The following GOLGA7B variants were observed in gnomAD, a reference collection of about 807,000 sequenced individuals.
GOLGA7B encodes golgin subfamily A member 7B.
GOLGA7B carries 17 observed loss-of-function variants against 21.5 expected under a neutral mutation model. That is an observed-to-expected ratio of 0.79 (90% CI 0.54 to 1.19). The LOEUF is 1.19. Ranked by LOEUF, GOLGA7B falls within the 50% of genes most tolerant of loss-of-function variation. The probability of loss-of-function intolerance (pLI) is 0.00; values close to 1 mark genes in which losing one functional copy is unlikely to be tolerated. For synonymous variants in GOLGA7B, 87 were observed against 84.0 expected (o/e 1.04, Z -0.19); for missense variants, 169 against 224.4 (o/e 0.75, Z 1.58).
At position 97,867,351 on chromosome 10, in the gene GOLGA7B, C is replaced by G. The variant is rs1331398973; in HGVS notation, c.*1651C>G. On this transcript the variant is annotated 3_prime_UTR_variant, in exon 5 of 5. Transcript: ENST00000370602. ...CCCGAAGATGAAATGAAGGGGGCTG[C>G]CTATCTCAGTTGGCGGGAGGTGTTA... 1.3e-5 allele frequency: 2 copies of G among 152,224 alleles called. No homozygotes were observed. The highest frequency in any genetic ancestry group is 2.9e-5 in the Non-Finnish European group (2 of 68,064). 9.4% of individuals were successfully genotyped at this position (152,224 alleles called of 1,614,324 possible).
chr10:97,865,483 C>T, intron 4 of GOLGA7B, 107 bp from the exon 5 acceptor site: 1 of 1,545,708 alleles, frequency 6.5e-7, no homozygotes, highest in Non-Finnish European at 8.8e-7. Flanking sequence ...GTCTAGGCAG[C>T]AGCACAAGCC....
chr10:97,862,414 T>G (rs1379382523), intron 2 of GOLGA7B, among the ~76,000 whole-genome samples: 1 of 152,212 alleles, frequency 6.6e-6, no homozygotes, highest in African/African-American at 2.4e-5. Flanking sequence ...GAGTCTTCTG[T>G]TAATACAAAC....
intron 1 of GOLGA7B, among the ~76,000 whole-genome samples, chr10:97,858,844 A>T (rs746963879): frequency 6.6e-6 from 1 of 152,194 alleles, no homozygotes; most frequent in Non-Finnish European, 1.5e-5. Flanking sequence ...CCTCTGTCCC[A>T]CATGTTCCCT....
intron 1 of GOLGA7B, among the ~76,000 whole-genome samples, chr10:97,853,358 G>A (rs1490457964): frequency 6.6e-6 from 1 of 152,176 alleles, no homozygotes; most frequent in Non-Finnish European, 1.5e-5. Context: ...TGGCGCCAGG[G>A]GGGCACTCCT....
chr10:97,862,551 G>A (rs1408525124), intron 2 of GOLGA7B, among the ~76,000 whole-genome samples: 1 of 152,190 alleles, frequency 6.6e-6, no homozygotes, highest in Non-Finnish European at 1.5e-5. Flanking sequence ...TACTCATTAA[G>A]TGGAAGTGGA....
Position 97,859,446 on chromosome 10 carries a change from ACG to A in GOLGA7B, c.13-11_13-10del. ...GTCACTCTCAGCACATGCCGCCCGC[ACG>A]TCTCCTCAGGTCCACAATCTGCAGG... is the stretch of plus-strand genomic sequence containing the variant. On this transcript the variant is annotated splice_polypyrimidine_tract_variant and intron_variant, in intron 1 of 4. Coordinates refer to ENST00000370602, the MANE Select transcript of GOLGA7B (RefSeq NM_001010917.3). 1 of 1,613,820 alleles carries A rather than the reference ACG, an allele frequency of 6.2e-7. No individual in the cohort carries two copies. Among genetic ancestry groups the A allele is most frequent in the Non-Finnish European group, 8.5e-7 (1 of 1,179,820 alleles).
Position 97,850,209 on chromosome 10 carries a change from T to TCGC in GOLGA7B, c.-90_-88dup. On this transcript the variant is annotated 5_prime_UTR_variant, in exon 1 of 5. Transcript: ENST00000370602. The stretch of plus-strand genomic sequence containing the variant: ...TGCGGACAGCGCCCCGGGCCCCAGC[T>TCGC]CGCCGCCACCGCCGCCGCCCACCTG... 1.2e-6 allele frequency: 1 copy of TCGC among 831,390 alleles called. No individual in the cohort carries two copies. The highest frequency in any genetic ancestry group is 1.6e-6 in the Non-Finnish European group (1 of 612,908). The allele number at this position is 831,390 out of a possible 1,614,324, so 51.5% of individuals were successfully genotyped here. A position where few individuals can be genotyped will look rare whatever the true frequency, so the allele number is the denominator to read the frequency against.
At position 97,868,215 on chromosome 10, in the gene GOLGA7B, G is replaced by A. The variant is rs2050050738; in HGVS notation, c.*2515G>A. ...ATAATTTATTGAGCACCTACTATGT[G>A]CCAGATACTTTGCTGAAACCATATG... On this transcript the variant is annotated 3_prime_UTR_variant, in exon 5 of 5. Transcript: ENST00000370602. 2 of 152,244 alleles carry A rather than the reference G, an allele frequency of 1.3e-5. No individual in the cohort carries two copies. Among genetic ancestry groups the A allele is most frequent in the South Asian group, 4.1e-4 (2 of 4,832 alleles). The allele number at this position is 152,244 out of a possible 1,614,324, so 9.4% of individuals were successfully genotyped here. A position where few individuals can be genotyped will look rare whatever the true frequency, so the allele number is the denominator to read the frequency against.
chr10:97,855,967 G>A (rs1270151382), intron 1 of GOLGA7B, among the ~76,000 whole-genome samples: 1 of 152,196 alleles, frequency 6.6e-6, no homozygotes, highest in East Asian at 1.9e-4. Context: ...CACATATAGT[G>A]TTTTTGGATT....
In GOLGA7B at chr10:97,859,603, C is replaced by T. The variant is rs773098157; in HGVS notation, c.138+20C>T. 1.2e-6 allele frequency: 2 copies of T among 1,612,260 alleles called. No individual in the cohort carries two copies. Among genetic ancestry groups the T allele is most frequent in the African/African-American group, 1.3e-5 (1 of 74,880 alleles). ...AGCCGGGTAAGGATGCCTTTTTCTG[C>T]ACTTGGAACCCAGGGCTGTGATGGA... On this transcript the variant is annotated intron_variant, in intron 2 of 4. Coordinates refer to ENST00000370602, the MANE Select transcript of GOLGA7B (RefSeq NM_001010917.3).
At chr10:97,861,254 A>C (rs1473958440) in intron 2 of GOLGA7B, among the ~76,000 whole-genome samples, 1 of 152,226 alleles carries the variant, frequency 6.6e-6, no homozygotes, top group East Asian at 1.9e-4. Context: ...TAAGTACCAG[A>C]CAGGCTTAAG....
chr10:97,864,893 A>T (rs2050002328), intron 4 of GOLGA7B: 1 of 152,606 alleles, frequency 6.6e-6, no homozygotes, highest in South Asian at 2.1e-4. Context: ...CTGGGTGTGC[A>T]CAAATCCCTC....
chr10:97,855,709 A>G (rs1590159180), intron 1 of GOLGA7B, among the ~76,000 whole-genome samples: 1 of 152,364 alleles, frequency 6.6e-6, no homozygotes, highest in East Asian at 1.9e-4. Flanking sequence ...AAAATACAAC[A>G]TTATAAAACC....
chr10:97,857,652 C>A (rs1452664574), intron 1 of GOLGA7B, among the ~76,000 whole-genome samples: 1 of 152,142 alleles, frequency 6.6e-6, no homozygotes, highest in Non-Finnish European at 1.5e-5. Context: ...AAAAGAGAAC[C>A]TGAATAGCCA....
At chr10:97,864,521 G>C (rs1031993076) in intron 4 of GOLGA7B, among the ~76,000 whole-genome samples, 4 of 152,184 alleles carry the variant, frequency 2.6e-5, no homozygotes, top group African/African-American at 9.7e-5. Context: ...GAAGTGCTTT[G>C]AAAATACGAA....
At chr10:97,861,069 T>C (rs1332790313) in intron 2 of GOLGA7B, among the ~76,000 whole-genome samples, 2 of 152,324 alleles carry the variant, frequency 1.3e-5, no homozygotes, top group East Asian at 1.9e-4. Flanking sequence ...GGGAGCTTGA[T>C]AGAAATGCAG....
At position 97,850,159 on chromosome 10, in the gene GOLGA7B, G is replaced by C. The variant is rs1156395325; in HGVS notation, c.-145G>C. ...GCCCGCCCCCGGCCCACCTGAGCCC[G>C]GGCCCGCGGCGCCCGCATCAGCACT... On this transcript the variant is annotated 5_prime_UTR_variant, in exon 1 of 5. Coordinates refer to ENST00000370602, the MANE Select transcript of GOLGA7B (RefSeq NM_001010917.3). 4.8e-5 allele frequency: 5 copies of C among 103,502 alleles called. No homozygotes were observed. The highest frequency in any genetic ancestry group is 3.1e-4 in the Admixed American group (3 of 9,586). The allele number at this position is 103,502 out of a possible 1,614,324, so 6.4% of individuals were successfully genotyped here.
Position 97,866,452 on chromosome 10 carries a change from G to A in GOLGA7B, c.*752G>A, listed in dbSNP as rs2136522034. ...CTGGGAAACTCCGTGAAGAGACATAGCCATGCGGGGCCTGAATCTCCTGAA... is the reference window on the plus strand; with the variant it reads ...CTGGGAAACTCCGTGAAGAGACATAACCATGCGGGGCCTGAATCTCCTGAA... On this transcript the variant is annotated 3_prime_UTR_variant, in exon 5 of 5. Transcript: ENST00000370602. The A allele has an allele frequency of 6.6e-6, 1 of 152,360 alleles. No homozygotes were observed. 9.4% of individuals were successfully genotyped at this position (152,360 alleles called of 1,614,324 possible).
Position 97,857,638 on chromosome 10 carries a change from A to G in GOLGA7B, c.13-1820A>G, listed in dbSNP as rs1307362669. Among the ~76,000 whole-genome samples, 8 of 152,350 alleles carry G rather than the reference A, an allele frequency of 5.3e-5. No individual in the cohort carries two copies. In the South Asian group the frequency reaches 6.2e-4, roughly 12 times the overall value. On this transcript the variant is annotated intron_variant, in intron 1 of 4. Coordinates refer to ENST00000370602, the MANE Select transcript of GOLGA7B (RefSeq NM_001010917.3). ...AAAAACAATGCTAAAGTTTATATGG[A>G]ACCAAAAGAGAACCTGAATAGCCAA... is the stretch of plus-strand genomic sequence containing the variant.
Sources: allele counts gnomAD v4.1 joint callset (sites outside exome capture counted in the v4.1 genomes callset), GRCh38; gene constraint gnomAD v4.1.1; transcripts MANE v1.5; gene names NCBI Gene and HGNC (gene_info 2026-07-23, HGNC 2026-07-21).